Variants in CASR observed in about 807,000 individuals in gnomAD.
CASR encodes extracellular calcium-sensing receptor.
CASR carries 23 observed loss-of-function variants against 69.1 expected under a neutral mutation model. The observed-to-expected ratio is 0.33, with a 90% CI of 0.24 to 0.47. CASR has a LOEUF of 0.47. Among genes scored for constraint, CASR ranks in the 20% least tolerant of loss-of-function variants. The pLI is 1.00. For synonymous variants in CASR, 541 were observed against 544.7 expected, an observed-to-expected ratio of 0.99 and a Z score of 0.10; for missense variants, 924 against 1,356.1, an observed-to-expected ratio of 0.68 and a Z score of 5.00.
intron 1 of CASR, among the ~76,000 whole-genome samples, chr3:122,244,970 T>C (rs1235957044): frequency 6.6e-6 from 1 of 152,190 alleles, no homozygotes; most frequent in Admixed American, 6.5e-5. Context: ...AGCCATTGTT[T>C]TAATAACATT....
chr3:122,201,827 C>T (rs1014376989), intron 1 of CASR, among the ~76,000 whole-genome samples: 26 of 151,850 alleles, frequency 1.7e-4, no homozygotes, highest in Non-Finnish European at 3.7e-4. Flanking sequence ...GATGGGCGGC[C>T]GGGCAGAGAC....
chr3:122,188,107 A>G (rs565218461), intron 1 of CASR, among the ~76,000 whole-genome samples: 9 of 152,192 alleles, frequency 5.9e-5, no homozygotes, highest in Non-Finnish European at 1.3e-4. Flanking sequence ...TAGAGGAGTG[A>G]CTCGTGAGCA....
At chr3:122,226,162 G>A (rs545713510) in intron 1 of CASR, among the ~76,000 whole-genome samples, 18 of 152,326 alleles carry the variant, frequency 1.2e-4, no homozygotes, top group African/African-American at 4.1e-4. Context: ...CTCACGGTGA[G>A]TGTTACAGTT....
chr3:122,239,628 G>A (rs62269089), intron 1 of CASR, among the ~76,000 whole-genome samples: 17,804 of 152,164 alleles, frequency 0.12, 1,153 homozygotes, highest in African/African-American at 0.15. Context: ...GTGCTGTGAC[G>A]GCTTCAGGCC....
At chr3:122,232,656 G>T (rs2074289399) in intron 1 of CASR, among the ~76,000 whole-genome samples, 1 of 152,190 alleles carries the variant, frequency 6.6e-6, no homozygotes, top group South Asian at 2.1e-4. Context: ...ATGCTAACTG[G>T]CTGTGGGCTG....
intron 4 of CASR, among the ~76,000 whole-genome samples, chr3:122,266,351 C>A (rs1238452519): frequency 6.6e-6 from 1 of 151,836 alleles, no homozygotes; most frequent in Admixed American, 6.6e-5. Flanking sequence ...ATGTGTCTTT[C>A]TTGGTGGTGT....
intron 1 of CASR, among the ~76,000 whole-genome samples, chr3:122,196,857 G>A (rs1002697116): frequency 1.3e-5 from 2 of 152,222 alleles, no homozygotes; most frequent in African/African-American, 2.4e-5. Flanking sequence ...TGTTTAAGAT[G>A]TATAATGTGA....
intron 1 of CASR, among the ~76,000 whole-genome samples, chr3:122,186,764 TGGA>T (rs1159132906): frequency 6.6e-6 from 1 of 152,078 alleles, no homozygotes; most frequent in Non-Finnish European, 1.5e-5. Context: ...GATTCAAAGA[TGGA>T]GAGGAAGGTT....
In CASR at chr3:122,189,298, G is replaced by A. The variant is rs1347780397; in HGVS notation, c.-243+5486G>A. 2.6e-5 allele frequency among the ~76,000 whole-genome samples: 4 copies of A among 152,192 alleles called. No individual in the cohort carries two copies. In the East Asian group the frequency reaches 5.8e-4, roughly 22 times the overall value. ...TAAGGTAATGTCTCCTTCACAGGGC[G>A]GTTGTGAAGTTTAAATGAGTTAAAT... On this transcript the variant is annotated intron_variant, in intron 1 of 6. Coordinates refer to ENST00000639785, the MANE Select transcript of CASR (RefSeq NM_000388.4).
intron 5 of CASR, among the ~76,000 whole-genome samples, chr3:122,278,085 T>C (rs147445685): frequency 2.8e-4 from 42 of 151,880 alleles, no homozygotes; most frequent in Admixed American, 7.9e-4. Flanking sequence ...AACTATAAAT[T>C]ATATATTAGT....
At chr3:122,236,160 G>T (rs2074327643) in intron 1 of CASR, among the ~76,000 whole-genome samples, 1 of 152,180 alleles carries the variant, frequency 6.6e-6, no homozygotes, top group African/African-American at 2.4e-5. Context: ...CAATTGAATG[G>T]GTTTCCACCA....
rs1173773921 is a variant in CASR, at chr3:122,288,989, C to T, written c.*3798C>T. On this transcript the variant is annotated 3_prime_UTR_variant, in exon 7 of 7. Coordinates refer to ENST00000639785, the MANE Select transcript of CASR (RefSeq NM_000388.4). Reference sequence around the variant, plus strand: ...CCTGAAAGTCCCTATGATCGTCACACGTTGTCTAATTGCATTAATTTTGAT... The same window carrying T: ...CCTGAAAGTCCCTATGATCGTCACATGTTGTCTAATTGCATTAATTTTGAT... 1 of 152,098 alleles carries T rather than the reference C, an allele frequency of 6.6e-6. No homozygotes were observed. The highest frequency in any genetic ancestry group is 1.5e-5 in the Non-Finnish European group (1 of 68,018). The allele number at this position is 152,098 out of a possible 1,614,324, so 9.4% of individuals were successfully genotyped here.
At chr3:122,269,131 T>TA (rs1376483357) in intron 4 of CASR, among the ~76,000 whole-genome samples, 1 of 152,210 alleles carries the variant, frequency 6.6e-6, no homozygotes, top group Non-Finnish European at 1.5e-5. Context: ...GAAGCAACTT[T>TA]AAAAAAATTA....
chr3:122,261,429 G>A (rs1024573777), intron 3 of CASR, 99 bp from the exon 4 acceptor site: 13 of 993,838 alleles, frequency 1.3e-5, no homozygotes, highest in Non-Finnish European at 1.6e-5. Context: ...ATGAGACCAA[G>A]GCATGCTCAG....
Position 122,290,304 on chromosome 3 carries a change from A to C in CASR, c.*5113A>C, listed in dbSNP as rs2075002180. 1 of 152,212 alleles carries C rather than the reference A, an allele frequency of 6.6e-6. No homozygotes were observed. The highest frequency in any genetic ancestry group is 1.5e-5 in the Non-Finnish European group (1 of 68,042). 9.4% of individuals were successfully genotyped at this position (152,212 alleles called of 1,614,324 possible). The stretch of plus-strand genomic sequence containing the variant: ...GAAAATAGGTAAGAGATCAAAGCCC[A>C]AGAATAAACCCTGGGGTCATTACAG... On this transcript the variant is annotated 3_prime_UTR_variant, in exon 7 of 7. Coordinates refer to ENST00000639785, the MANE Select transcript of CASR (RefSeq NM_000388.4).
chr3:122,254,203 G>C lies in CASR; in HGVS notation c.14G>C (p.Ser5Thr). 1.2e-6 allele frequency: 2 copies of C among 1,613,078 alleles called. No individual in the cohort carries two copies. The highest frequency in any genetic ancestry group is 4.5e-5 in the East Asian group (2 of 44,890). Reference sequence around the variant, plus strand: ...GACGGCAGAACCATGGCATTTTATAGCTGCTGCTGGGTCCTCTTGGCACTC... The same window carrying C: ...GACGGCAGAACCATGGCATTTTATACCTGCTGCTGGGTCCTCTTGGCACTC... MAFYSCCWVLLALTW... is the reference protein window; with the variant it reads MAFYTCCWVLLALTW... Residue 5 changes from serine to threonine, a missense_variant, in exon 2 of 7, where the codon AGC (serine) becomes ACC (threonine). Transcript: ENST00000639785.
chr3:122,207,199 T>G (rs2074015745), intron 1 of CASR, among the ~76,000 whole-genome samples: 1 of 151,994 alleles, frequency 6.6e-6, no homozygotes, highest in Admixed American at 6.6e-5. Flanking sequence ...ACAATGGTAT[T>G]GTATTGCAAA....
rs192863275 is a variant in CASR, at chr3:122,241,832, T to A, written c.-242-12116T>A. 1.5e-4 allele frequency among the ~76,000 whole-genome samples: 23 copies of A among 152,268 alleles called. No individual in the cohort carries two copies. The East Asian group carries it at 4.4e-3, about 29-fold the overall frequency. ...AATACATTAAAAATATCATTCATCA[T>A]GACCAAGTGGGATCTATCCTGTGGA... is the stretch of plus-strand genomic sequence containing the variant. On this transcript the variant is annotated intron_variant, in intron 1 of 6. Coordinates refer to ENST00000639785, the MANE Select transcript of CASR (RefSeq NM_000388.4).
At chr3:122,190,503 A>G (rs946485076) in intron 1 of CASR, among the ~76,000 whole-genome samples, 3 of 152,010 alleles carry the variant, frequency 2.0e-5, no homozygotes, top group Admixed American at 6.6e-5. Context: ...AGGTTGTCCA[A>G]CCTCTCTATG....
Sources: allele counts gnomAD v4.1 joint callset (sites outside exome capture counted in the v4.1 genomes callset), GRCh38; gene constraint gnomAD v4.1.1; transcripts MANE v1.5; gene names NCBI Gene and HGNC (gene_info 2026-07-23, HGNC 2026-07-21).